B4GALT7: variants seen among roughly 807,000 people sequenced by gnomAD.
The protein encoded by B4GALT7 is UDP-Gal:beta-GlcNAc beta-1,4-galactosyltransferase 7.
B4GALT7 carries 30 observed loss-of-function variants against 33.0 expected under a neutral mutation model. That is an observed-to-expected ratio of 0.91 (90% CI 0.68 to 1.23). B4GALT7 has a LOEUF of 1.23. Ranked by LOEUF, B4GALT7 falls within the 50% of genes most tolerant of loss-of-function variation. The pLI is 0.00. For synonymous variants in B4GALT7, 213 were observed against 187.2 expected, an observed-to-expected ratio of 1.14 and a Z score of -1.13; for missense variants, 507 against 450.8, an observed-to-expected ratio of 1.12 and a Z score of -1.13.
Position 177,606,831 on chromosome 5 carries a change from T to C in B4GALT7, c.414-471T>C. 1 of 232,390 alleles carries C rather than the reference T, an allele frequency of 4.3e-6. No individual in the cohort carries two copies. The highest frequency in any genetic ancestry group is 8.7e-6 in the Non-Finnish European group (1 of 115,182). 14.4% of individuals were successfully genotyped at this position (232,390 alleles called of 1,614,324 possible). On this transcript the variant is annotated intron_variant, in intron 2 of 5. Coordinates refer to ENST00000029410, the MANE Select transcript of B4GALT7 (RefSeq NM_007255.3). This position sits in a 1 kb window ranked among gnomAD's most constrained non-coding sequence, Gnocchi z 4.2. Reference sequence around the variant, plus strand: ...TGCCTCCTGCCGTGGCAGTGCCATCTCTCCTATGCAGAGCCCTAGGCACCC... The same window carrying C: ...TGCCTCCTGCCGTGGCAGTGCCATCCCTCCTATGCAGAGCCCTAGGCACCC...
In B4GALT7 at chr5:177,607,487, T is replaced by C. The variant is rs1460743738; in HGVS notation, c.599T>C (p.Val200Ala). The change falls in exon 3 of 6, where the codon GTC becomes GCC. Residue 200 changes from valine to alanine, a missense_variant. Coordinates refer to ENST00000029410, the MANE Select transcript of B4GALT7 (RefSeq NM_007255.3). ...LHPLYHYKTY[V>A]GGILLLSKQH... ...CCTCTCTACCACTACAAGACCTATG[T>C]CGGCGGCATCCTGCTGCTCTCCAAG... The C allele has an allele frequency of 6.2e-7, 1 of 1,613,432 alleles. No homozygotes were observed. The highest frequency in any genetic ancestry group is 2.2e-5 in the East Asian group (1 of 44,876).
intron 2 of B4GALT7, 47 bp downstream of exon 2, chr5:177,604,588 C>T (rs1767933203): frequency 6.2e-7 from 1 of 1,611,708 alleles, no homozygotes; most frequent in Admixed American, 1.7e-5. Flanking sequence ...TGCCCGGGCT[C>T]AGGCTTCTCA....
At position 177,609,833 on chromosome 5, in the gene B4GALT7, C is replaced by T. The variant is rs1768127960; in HGVS notation, c.*138C>T. ...ACAGCAAGCTACGCAATTGCAGCCA[C>T]CCGGCCGCCAAGGCAGGCTTGGGCT... On this transcript the variant is annotated 3_prime_UTR_variant, in exon 6 of 6. Coordinates refer to ENST00000029410, the MANE Select transcript of B4GALT7 (RefSeq NM_007255.3). 1 of 1,224,490 alleles carries T rather than the reference C, an allele frequency of 8.2e-7. No homozygotes were observed. Among genetic ancestry groups the T allele is most frequent in the Non-Finnish European group, 1.1e-6 (1 of 873,026 alleles). 75.9% of individuals were successfully genotyped at this position (1,224,490 alleles called of 1,614,324 possible).
chr5:177,608,045 A>G lies in B4GALT7; in HGVS notation c.640-494A>G. ...GCCAGTCACTGGCTGGTGGACGGGC[A>G]GGCAGGAAGAAGCACTTGTGGCTCA... On this transcript the variant is annotated intron_variant, in intron 3 of 5. Coordinates refer to ENST00000029410, the MANE Select transcript of B4GALT7 (RefSeq NM_007255.3). This position sits in a 1 kb window ranked among gnomAD's most constrained non-coding sequence, Gnocchi z 4.1. 4.3e-6 allele frequency: 1 copy of G among 232,836 alleles called. No individual in the cohort carries two copies. The highest frequency in any genetic ancestry group is 1.1e-4 in the East Asian group (1 of 9,074). The allele number at this position is 232,836 out of a possible 1,614,324, so 14.4% of individuals were successfully genotyped here.
At chr5:177,604,913 G>T in intron 2 of B4GALT7, 1 of 462,066 alleles carries the variant, frequency 2.2e-6, no homozygotes, top group Non-Finnish European at 4.3e-6. Flanking sequence ...GAAAGGGAGG[G>T]TCAAGGCCAC....
intron 1 of B4GALT7, chr5:177,603,301 A>G: frequency 2.0e-6 from 2 of 985,374 alleles, no homozygotes; most frequent in Non-Finnish European, 2.4e-6. Flanking sequence ...TTCTCCCTTC[A>G]TGGATTCCTC....
chr5:177,609,507 T>C (rs1581997295), intron 5 of B4GALT7, 33 bp from the exon 6 acceptor site: 2 of 1,612,052 alleles, frequency 1.2e-6, no homozygotes, highest in Non-Finnish European at 1.7e-6. Flanking sequence ...CATGCAGCCC[T>C]GAGTCCGTGC....
chr5:177,605,364 C>G, intron 2 of B4GALT7: 1 of 254,490 alleles, frequency 3.9e-6, no homozygotes, highest in South Asian at 4.2e-5. Context: ...GTCCCCATGC[C>G]GATGATGCCC....
intron 2 of B4GALT7, chr5:177,605,065 G>T: frequency 2.2e-6 from 1 of 455,806 alleles, no homozygotes; most frequent in Non-Finnish European, 4.4e-6. Context: ...CTGGAAGATG[G>T]ATTCTCAGCC....
chr5:177,604,077 A>C, intron 1 of B4GALT7, 102 bp from the exon 2 acceptor site: 1 of 1,523,238 alleles, frequency 6.6e-7, no homozygotes, highest in Non-Finnish European at 9.0e-7. Flanking sequence ...TGCTTGGGGT[A>C]GACGAGTTAT....
intron 1 of B4GALT7, chr5:177,602,859 G>A (rs1435225134): frequency 2.1e-6 from 2 of 964,032 alleles, no homozygotes; most frequent in African/African-American, 3.9e-5. Flanking sequence ...GATCAGAGGG[G>A]GACTTAGGAG....
At chr5:177,603,849 A>T (rs1767903091) in intron 1 of B4GALT7, among the ~76,000 whole-genome samples, 1 of 152,046 alleles carries the variant, frequency 6.6e-6, no homozygotes, top group Non-Finnish European at 1.5e-5. Context: ...AAGTGACAGG[A>T]GCCTCCTCAT....
At chr5:177,609,327 C>T (rs1030435652) in intron 5 of B4GALT7, among the ~76,000 whole-genome samples, 1 of 152,180 alleles carries the variant, frequency 6.6e-6, no homozygotes, top group African/African-American at 2.4e-5. Context: ...ACAGCCCCTT[C>T]TCTAGGAGGC....
chr5:177,604,304 G>A lies in B4GALT7; in HGVS notation c.176G>A (p.Arg59Gln), dbSNP rs1306108840. Residue 59 changes from arginine (R) to glutamine (Q), a missense_variant, in exon 2 of 6, where the codon CGG becomes CAG. Arg to Gln is a conservative substitution (Grantham distance 43). Transcript: ENST00000029410. ...LQLSCSGDVARAVRGQGQETS... is the reference protein window; with the variant it reads ...LQLSCSGDVAQAVRGQGQETS... ...CTCAGCTGCTCTGGGGACGTGGCCC[G>A]GGCAGTCAGGGGACAAGGGCAGGAG... 5 of 1,610,596 alleles carry A rather than the reference G, an allele frequency of 3.1e-6. No homozygotes were observed. The African/African-American group carries it at 4.0e-5, about 13-fold the overall frequency.
chr5:177,603,841 G>C (rs1200515924), intron 1 of B4GALT7, among the ~76,000 whole-genome samples: 1 of 152,152 alleles, frequency 6.6e-6, no homozygotes, highest in Non-Finnish European at 1.5e-5. Flanking sequence ...GCACCTGCAA[G>C]TGACAGGAGC....
chr5:177,607,511 A>G lies in B4GALT7; in HGVS notation c.623A>G (p.Lys208Arg), dbSNP rs141168189. ...GTCGGCGGCATCCTGCTGCTCTCCA[A>G]GCAGCACTACCGGCTGGTGAGGCCC... ...TYVGGILLLS[K>R]QHYRLCNGMS... The change falls in exon 3 of 6, where the codon AAG becomes AGG. Residue 208 changes from lysine to arginine, a missense_variant. Transcript: ENST00000029410. 1.4e-5 allele frequency: 23 copies of G among 1,612,432 alleles called. No individual in the cohort carries two copies. The highest frequency in any genetic ancestry group is 1.9e-5 in the Non-Finnish European group (23 of 1,179,996).
rs761325379 is a variant in B4GALT7 at position 177,608,640 on chromosome 5, C to T, written c.723+18C>T. On this transcript the variant is annotated intron_variant, in intron 4 of 5. Coordinates refer to ENST00000029410, the MANE Select transcript of B4GALT7 (RefSeq NM_007255.3). The surrounding 1 kb of genome is among the most constrained non-coding windows in gnomAD (Gnocchi z 4.1). The stretch of plus-strand genomic sequence containing the variant: ...GGCTCCAGGTGAGATTCCCCGGGCC[C>T]CGCCGCCACCTCAGCTGCGGTGGCT... 6.2e-7 allele frequency: 1 copy of T among 1,609,132 alleles called. No individual in the cohort carries two copies. The highest frequency in any genetic ancestry group is 8.5e-7 in the Non-Finnish European group (1 of 1,176,694).
At chr5:177,605,609 G>A (rs886691106) in intron 2 of B4GALT7, among the ~76,000 whole-genome samples, 2 of 152,116 alleles carry the variant, frequency 1.3e-5, no homozygotes, top group African/African-American at 2.4e-5. Flanking sequence ...GCTTCTGTCC[G>A]GGCTGACTCC....
chr5:177,609,974 C>G lies in B4GALT7; in HGVS notation c.*279C>G, dbSNP rs1016143434. On this transcript the variant is annotated 3_prime_UTR_variant, in exon 6 of 6. Coordinates refer to ENST00000029410, the MANE Select transcript of B4GALT7 (RefSeq NM_007255.3). Reference sequence around the variant, plus strand: ...GCCTTCCTGCTCACCCTACTCTGACCTCCTTCACGTGCCCAGGCCTGTGGG... The same window carrying G: ...GCCTTCCTGCTCACCCTACTCTGACGTCCTTCACGTGCCCAGGCCTGTGGG... 5.9e-6 allele frequency: 3 copies of G among 505,008 alleles called. No homozygotes were observed. The highest frequency in any genetic ancestry group is 1.9e-5 in the African/African-American group (1 of 51,742). 31.3% of individuals were successfully genotyped at this position (505,008 alleles called of 1,614,324 possible).
Sources: gnomAD v4.1 joint callset for allele counts (sites outside exome capture counted in the v4.1 genomes callset) on GRCh38, gnomAD v4.1.1 for gene constraint, Gnocchi (gnomAD v3.1) non-coding constraint, MANE v1.5 for transcripts, NCBI Gene and HGNC (gene_info 2026-07-23, HGNC 2026-07-21) for gene names.